Variants in NT5DC4 observed in about 807,000 individuals in gnomAD.
NT5DC4 encodes the protein 5'-nucleotidase domain containing 4, also known as 5'-nucleotidase domain-containing protein 4.
NT5DC4 carries 44 observed loss-of-function variants against 26.6 expected under a neutral mutation model. The ratio of observed to expected loss-of-function variants is 1.65; its 90% CI spans 1.30 to 2.13. The LOEUF (loss-of-function observed/expected upper bound fraction) is 2.13. NT5DC4 is among the 30% of genes most tolerant of loss of function. NT5DC4 has a pLI of 0.00. For synonymous variants in NT5DC4, 157 were observed against 86.7 expected (o/e 1.81, Z -4.51); for missense variants, 399 against 228.1 (o/e 1.75, Z -4.83).
Position 112,726,286 on chromosome 2 carries a change from A to G in NT5DC4, c.1202A>G (p.Tyr401Cys), listed in dbSNP as rs368642527. The change falls in exon 14 of 17, where the codon TAC becomes TGC. Residue 401 changes from tyrosine to cysteine, a missense_variant. By Grantham distance (194) the Tyr-to-Cys change is radical. Coordinates refer to ENST00000688554, the MANE Select transcript of NT5DC4 (RefSeq NM_001393655.1). ...KRLDTHLADI[Y>C]QHMDGSSCEL... Reference sequence around the variant, plus strand: ...CTGGACACGCACCTGGCAGACATATACCAGTGAGACCCTGGCCTTTCTGGG... The same window carrying G: ...CTGGACACGCACCTGGCAGACATATGCCAGTGAGACCCTGGCCTTTCTGGG... 2.0e-4 allele frequency: 142 copies of G among 715,988 alleles called. 1 individual carries two copies. The East Asian group carries it at 3.2e-3, about 16-fold the overall frequency. 44.4% of individuals were successfully genotyped at this position (715,988 alleles called of 1,614,324 possible).
intron 9 of NT5DC4, 71 bp from the exon 10 acceptor site, chr2:112,724,023 G>A (rs1187294714): frequency 5.6e-6 from 4 of 715,320 alleles, no homozygotes; most frequent in African/African-American, 1.7e-5. Flanking sequence ...TGTGCTGGGG[G>A]GATGGTGGGT....
chr2:112,742,251 A>G, downstream of NT5DC4, among the ~76,000 whole-genome samples: 1 of 152,254 alleles, frequency 6.6e-6, no homozygotes, highest in East Asian at 1.9e-4. Context: ...GTCTCATAGA[A>G]GAGTCTTCTA....
At chr2:112,719,963 TTTC>T (rs1254055265), upstream of NT5DC4, among the ~76,000 whole-genome samples, 11 of 130,176 alleles carry the variant, frequency 8.5e-5, no homozygotes, top group Middle Eastern at 3.6e-3. Flanking sequence ...TCTTTCTTTC[TTTC>T]TTTCTTTCTT....
upstream of NT5DC4, among the ~76,000 whole-genome samples, chr2:112,719,840 T>TTCCG: frequency 1.3e-5 from 1 of 78,420 alleles, no homozygotes; most frequent in Non-Finnish European, 2.8e-5. Context: ...CCTTCCTTCC[T>TTCCG]TCCCTCCCTC....
At chr2:112,741,176 C>T (rs77776580), downstream of NT5DC4, among the ~76,000 whole-genome samples, 1,813 of 152,216 alleles carry the variant, frequency 0.012, 31 homozygotes, top group African/African-American at 0.041. Flanking sequence ...TGTTTTTTCA[C>T]GTTAAGCTCT....
downstream of NT5DC4, among the ~76,000 whole-genome samples, chr2:112,741,381 A>C (rs1679952488): frequency 1.3e-5 from 2 of 152,192 alleles, no homozygotes; most frequent in South Asian, 4.1e-4. Flanking sequence ...TGACTCACTA[A>C]GGTTAACTCA....
chr2:112,722,915 A>AACCCCCAATCCT (rs1677115173), intron 6 of NT5DC4, 144 bp downstream of exon 6: 6 of 621,754 alleles, frequency 9.7e-6, no homozygotes, highest in South Asian at 9.5e-5. Context: ...ATTGCAGGCT[A>AACCCCCAATCCT]GCACACACCC....
chr2:112,740,531 G>T (rs1231104431), downstream of NT5DC4, among the ~76,000 whole-genome samples: 2 of 152,172 alleles, frequency 1.3e-5, no homozygotes, highest in South Asian at 2.1e-4. Flanking sequence ...TACAGAGTTT[G>T]CTCCCGCTTG....
chr2:112,737,366 T>C (rs1044726344), intron 16 of NT5DC4: 10 of 152,226 alleles, frequency 6.6e-5, no homozygotes, highest in Non-Finnish European at 1.0e-4. Flanking sequence ...GGGTTCTCTT[T>C]TCTCCACAAT....
chr2:112,726,414 G>A (rs1677723133), intron 14 of NT5DC4, 125 bp downstream of exon 14: 1 of 681,770 alleles, frequency 1.5e-6, no homozygotes, highest in Non-Finnish European at 2.7e-6. Flanking sequence ...TCTGTTTCAG[G>A]CTGGGCTTCC....
chr2:112,739,175 T>C (rs963979461), downstream of NT5DC4: 2 of 731,562 alleles, frequency 2.7e-6, no homozygotes, highest in Admixed American at 5.7e-5. Context: ...AAGAGATATG[T>C]CTAGAGCAGC....
chr2:112,725,992 G>C lies in NT5DC4; in HGVS notation c.1154-246G>C, dbSNP rs113382904. Among the ~76,000 whole-genome samples, 700 of 152,242 alleles carry C rather than the reference G, an allele frequency of 4.6e-3. 7 individuals are homozygous for C. The highest frequency in any genetic ancestry group is 0.016 in the African/African-American group (653 of 41,544). ...TCCTGAGAGCTGAGGCTTTAGGTTT[G>C]AGTCATTGCCGTGTGACCTCAGGAA... On this transcript the variant is annotated intron_variant, in intron 13 of 16. Coordinates refer to ENST00000688554, the MANE Select transcript of NT5DC4 (RefSeq NM_001393655.1).
chr2:112,741,034 G>GT (rs748267398), downstream of NT5DC4: 8 of 1,493,220 alleles, frequency 5.4e-6, no homozygotes, highest in Middle Eastern at 1.8e-4. Flanking sequence ...ATGAAGGAAA[G>GT]TAAGATTTAC....
At chr2:112,726,440 T>C (rs1398483536) in intron 14 of NT5DC4, among the ~76,000 whole-genome samples, 151 bp downstream of exon 14, 1 of 152,156 alleles carries the variant, frequency 6.6e-6, no homozygotes, top group African/African-American at 2.4e-5. Flanking sequence ...AAACTGAATG[T>C]GGGGACCCCT....
At chr2:112,741,553 G>A (rs879266989), downstream of NT5DC4, among the ~76,000 whole-genome samples, 1 of 152,224 alleles carries the variant, frequency 6.6e-6, no homozygotes, top group Non-Finnish European at 1.5e-5. Context: ...TGTGGCTAGA[G>A]GCTGACACCC....
intron 6 of NT5DC4, 82 bp downstream of exon 6, chr2:112,722,853 G>A: frequency 2.3e-5 from 10 of 437,316 alleles, no homozygotes; most frequent in South Asian, 1.7e-4. Flanking sequence ...GGCCCCCCAA[G>A]GGCTCCCCAA....
At chr2:112,734,689 A>T (rs2104803281) in intron 16 of NT5DC4, among the ~76,000 whole-genome samples, 1 of 152,214 alleles carries the variant, frequency 6.6e-6, no homozygotes, top group African/African-American at 2.4e-5. Flanking sequence ...TAGTAGGGAA[A>T]TTGGGGTGCT....
At chr2:112,727,925 G>A (rs1025496523) in intron 15 of NT5DC4, among the ~76,000 whole-genome samples, 4 of 152,194 alleles carry the variant, frequency 2.6e-5, no homozygotes, top group Non-Finnish European at 4.4e-5. Context: ...CGCCTGCCTC[G>A]ACCTCCTGTA....
chr2:112,729,664 A>G lies in NT5DC4; in HGVS notation c.1304A>G (p.Asn435Ser), dbSNP rs757818783. 14 of 717,838 alleles carry G rather than the reference A, an allele frequency of 2.0e-5. No homozygotes were observed. Among genetic ancestry groups the G allele is most frequent in the African/African-American group, 5.2e-5 (3 of 57,274 alleles). 44.5% of individuals were successfully genotyped at this position (717,838 alleles called of 1,614,324 possible). ...HESVVEQEQA[N>S]LDPASCLLSC... ...TCAGTTGTGGAGCAAGAACAGGCCA[A>G]TCTAGACCCTGCCTCCTGCCTCCTC... Residue 435 changes from asparagine to serine, a missense_variant, in exon 16 of 17, where the codon AAT (asparagine) becomes AGT (serine). Asn to Ser is a conservative substitution (Grantham distance 46, BLOSUM62 1). Transcript: ENST00000688554.
Sources: gnomAD v4.1 joint callset for allele counts (sites outside exome capture counted in the v4.1 genomes callset) on GRCh38, gnomAD v4.1.1 for gene constraint, MANE v1.5 for transcripts, NCBI Gene and HGNC (gene_info 2026-07-23, HGNC 2026-07-21) for gene names.